Variants in DAW1 observed in about 807,000 individuals in gnomAD.
The protein encoded by DAW1 is dynein assembly factor with WD repeat domains 1.
Under a neutral mutation model 56.5 loss-of-function variants are expected in DAW1, and 47 were observed. The ratio of observed to expected loss-of-function variants is 0.83; its 90% confidence interval spans 0.66 to 1.06. The LOEUF (loss-of-function observed/expected upper bound fraction) is 1.06, where lower values mean the gene tolerates loss of function less well. Among genes scored for constraint, DAW1 ranks in the 50% least tolerant of loss-of-function variants. DAW1 has a pLI of 0.00. For missense variants in DAW1, 505 were observed against 499.3 expected (o/e 1.01, Z -0.11); for synonymous variants, 190 against 179.0 (o/e 1.06, Z -0.49).
intron 4 of DAW1, 112 bp from the exon 5 acceptor site, chr2:227,893,671 TAAACAAACAAAC>T (rs36070997): frequency 1.5e-5 from 21 of 1,399,512 alleles, no homozygotes; most frequent in Non-Finnish European, 1.9e-5. Context: ...GACTCCCTCT[TAAACAAACAAAC>T]AAACAAACAA....
chr2:227,885,326 A>G (rs1313008037), intron 1 of DAW1, 25 bp from the exon 2 acceptor site: 2 of 1,522,176 alleles, frequency 1.3e-6, no homozygotes, highest in Non-Finnish European at 1.8e-6. Flanking sequence ...TAAGTGTTTT[A>G]TAACATGTTT....
chr2:227,900,736 A>G (rs551208824), intron 6 of DAW1, among the ~76,000 whole-genome samples: 13 of 152,316 alleles, frequency 8.5e-5, no homozygotes, highest in African/African-American at 2.9e-4. Context: ...ATGTGGTGGC[A>G]TGTGCAGAAT....
chr2:227,911,266 A>ATG (rs1691813365), intron 10 of DAW1, among the ~76,000 whole-genome samples: 1 of 141,916 alleles, frequency 7.0e-6, no homozygotes, highest in Non-Finnish European at 1.6e-5. Context: ...ACGTGTATAT[A>ATG]CACATATACA....
rs544005414 is a variant in DAW1, at chr2:227,871,829, G to T, written c.40+100G>T. ...AGGGCGCAGCCACTGAAAGGCGGCG[G>T]GGTCCCCAGGTGGGGCAGGAAGTCG... On this transcript the variant is annotated intron_variant, in intron 1 of 12. Transcript: ENST00000309931. 3.3e-6 allele frequency: 5 copies of T among 1,524,294 alleles called. No homozygotes were observed. In the Admixed American group the frequency reaches 7.9e-5, roughly 24 times the overall value. The allele number at this position is 1,524,294 out of a possible 1,614,324, so 94.4% of individuals were successfully genotyped here.
intron 10 of DAW1, chr2:227,912,395 A>G (rs758694979): frequency 2.3e-6 from 3 of 1,304,806 alleles, no homozygotes; most frequent in Middle Eastern, 2.1e-4. Flanking sequence ...GTTTGATGTT[A>G]TCCGGTGTGT....
intron 11 of DAW1, among the ~76,000 whole-genome samples, chr2:227,920,865 C>T (rs969638822): frequency 5.9e-5 from 9 of 151,876 alleles, no homozygotes; most frequent in African/African-American, 1.7e-4. Flanking sequence ...TTTTTAGTAG[C>T]GACGGGGTTT....
Position 227,889,870 on chromosome 2 carries a change from C to G in DAW1, c.128C>G (p.Ala43Gly). Residue 43 changes from alanine (A) to glycine (G), a missense_variant, in exon 3 of 13, where the codon GCG becomes GGG. Physicochemically the swap from Ala to Gly is moderately conservative, Grantham distance 60. Transcript: ENST00000309931. ...GTGTATTTCAGCACTGATGTCAGTGCGTTAGTAGAAGAAATCCAGAAGGCA... is the reference window on the plus strand; with the variant it reads ...GTGTATTTCAGCACTGATGTCAGTGGGTTAGTAGAAGAAATCCAGAAGGCA... Reference protein sequence around the residue: ...LDLGPSTDVSALVEEIQKAEP... With the variant: ...LDLGPSTDVSGLVEEIQKAEP... 6 of 1,598,468 alleles carry G rather than the reference C, an allele frequency of 3.8e-6. No homozygotes were observed. The highest frequency in any genetic ancestry group is 5.1e-6 in the Non-Finnish European group (6 of 1,175,058).
At chr2:227,902,940 G>A (rs1691581114) in intron 6 of DAW1, 62 bp from the exon 7 acceptor site, 2 of 1,504,698 alleles carry the variant, frequency 1.3e-6, no homozygotes, top group African/African-American at 1.4e-5. Flanking sequence ...AAGATTTTCT[G>A]TGTATAATTA....
At chr2:227,907,915 A>G (rs532849062) in intron 10 of DAW1, among the ~76,000 whole-genome samples, 1 of 152,328 alleles carries the variant, frequency 6.6e-6, no homozygotes, top group East Asian at 1.9e-4. Flanking sequence ...CAATGGTGCT[A>G]TAATCTCCTT....
Position 227,921,464 on chromosome 2 carries a change from G to A in DAW1, c.1116G>A (p.Trp372Ter), listed in dbSNP as rs1435687311. ...GCTCTGACAAAACGGCTAGAATCTGGGATGCTCAGACTGGCCAGTGCCTCC... is the reference window on the plus strand; with the variant it reads ...GCTCTGACAAAACGGCTAGAATCTGAGATGCTCAGACTGGCCAGTGCCTCC... ...TGSSDKTARIWDAQTGQCLQV... is the reference protein window; with the variant it reads ...TGSSDKTARI Residue 372 changes from tryptophan to a stop codon, truncating the protein, a stop_gained, in exon 12 of 13, where the codon TGG (tryptophan) becomes TGA (stop). Transcript: ENST00000309931. LOFTEE classifies it high-confidence loss of function. The A allele has an allele frequency of 6.2e-7, 1 of 1,613,694 alleles. No individual in the cohort carries two copies. The highest frequency in any genetic ancestry group is 8.5e-7 in the Non-Finnish European group (1 of 1,179,970).
intron 7 of DAW1, among the ~76,000 whole-genome samples, chr2:227,903,812 A>C (rs769232644): frequency 7.9e-5 from 12 of 152,136 alleles, no homozygotes; most frequent in Non-Finnish European, 1.5e-4. Context: ...TTATAAGTAC[A>C]TTTTTAAAAA....
chr2:227,907,404 G>T (rs188294198), intron 10 of DAW1, 152 bp downstream of exon 10: 6 of 619,006 alleles, frequency 9.7e-6, no homozygotes, highest in Non-Finnish European at 1.7e-5. Flanking sequence ...TGGCACAATA[G>T]TGTGTCTATA....
chr2:227,873,906 C>T lies in DAW1; in HGVS notation c.40+2177C>T, dbSNP rs375401020. ...ATGTTGGCCAGGCTGGTCTTGAATT[C>T]CTCACCTCAAGTGATCCACCTGTCT... On this transcript the variant is annotated intron_variant, in intron 1 of 12. Coordinates refer to ENST00000309931, the MANE Select transcript of DAW1 (RefSeq NM_178821.3). Among the ~76,000 whole-genome samples the T allele has an allele frequency of 3.6e-3, 545 of 152,260 alleles. 2 individuals carry two copies. In the Middle Eastern group the frequency reaches 0.041, roughly 11 times the overall value.
chr2:227,902,428 G>C (rs1691569357), intron 6 of DAW1, among the ~76,000 whole-genome samples: 1 of 152,104 alleles, frequency 6.6e-6, no homozygotes, highest in Non-Finnish European at 1.5e-5. Context: ...GATCTTCTGG[G>C]GGAGGGGAGT....
intron 1 of DAW1, among the ~76,000 whole-genome samples, chr2:227,874,617 CTCT>C (rs1690834594): frequency 6.6e-6 from 1 of 152,014 alleles, no homozygotes; most frequent in Admixed American, 6.6e-5. Flanking sequence ...TTGTTGGTTC[CTCT>C]TCTTCTTTTT....
chr2:227,918,946 G>C, intron 11 of DAW1, 90 bp downstream of exon 11: 1 of 1,294,880 alleles, frequency 7.7e-7, no homozygotes, highest in Non-Finnish European at 1.1e-6. Context: ...TATAATCCCA[G>C]CACTTTGAGA....
chr2:227,916,870 C>T (rs888602698), intron 10 of DAW1, among the ~76,000 whole-genome samples: 1 of 151,758 alleles, frequency 6.6e-6, no homozygotes, highest in Admixed American at 6.6e-5. Flanking sequence ...TGTGTAGATA[C>T]TACTATACAT....
At chr2:227,876,475 A>G in intron 1 of DAW1, 1 of 1,302,878 alleles carries the variant, frequency 7.7e-7, no homozygotes, top group Non-Finnish European at 1.0e-6. Flanking sequence ...GCAAGTTTCC[A>G]AGATACTACT....
intron 4 of DAW1, among the ~76,000 whole-genome samples, chr2:227,892,146 T>C (rs1225513453): frequency 6.6e-6 from 1 of 152,136 alleles, no homozygotes; most frequent in Non-Finnish European, 1.5e-5. Context: ...AATTTTTTTT[T>C]TTTGAGATGG....
Sources: gnomAD v4.1 joint callset for allele counts (sites outside exome capture counted in the v4.1 genomes callset) on GRCh38, gnomAD v4.1.1 for gene constraint, MANE v1.5 for transcripts, NCBI Gene and HGNC (gene_info 2026-07-23, HGNC 2026-07-21) for gene names.